ITPKB: variants seen among roughly 807,000 people sequenced by gnomAD.
The protein encoded by ITPKB is inositol-trisphosphate 3-kinase B.
A neutral mutation model predicts 69.4 loss-of-function variants in ITPKB; 13 were observed. That is an observed-to-expected ratio of 0.19 (90% CI 0.12 to 0.30). The LOEUF (loss-of-function observed/expected upper bound fraction) is 0.30, where lower values mean the gene tolerates loss of function less well. Among genes scored for constraint, ITPKB ranks in the 10% least tolerant of loss-of-function variants. ITPKB has a pLI of 1.00. For missense variants in ITPKB, 1,240 were observed against 1,250.5 expected (o/e 0.99, Z 0.13); for synonymous variants, 584 against 513.7 (o/e 1.14, Z -1.85).
intron 2 of ITPKB, among the ~76,000 whole-genome samples, chr1:226,672,372 T>C (rs571850002): frequency 2.0e-5 from 3 of 152,190 alleles, no homozygotes; most frequent in South Asian, 2.1e-4. Flanking sequence ...AGTTCAACAG[T>C]GTAGAGCAAT....
chr1:226,696,452 T>C (rs1013947149), intron 2 of ITPKB, among the ~76,000 whole-genome samples: 3 of 152,170 alleles, frequency 2.0e-5, no homozygotes, highest in Non-Finnish European at 4.4e-5. Context: ...TATTTTACTA[T>C]CTTGGACACC....
chr1:226,632,924 C>T lies in ITPKB; in HGVS notation c.*1747G>A. ...CCTTCTAGCCCAAAAGTCACTATAG[C>T]TCCAGAGGCCCAGAGTTGACTTTGG... On this transcript the variant is annotated 3_prime_UTR_variant, in exon 8 of 8. Coordinates refer to ENST00000429204, the MANE Select transcript of ITPKB (RefSeq NM_002221.4). 6.6e-6 allele frequency: 1 copy of T among 152,050 alleles called. No individual in the cohort carries two copies. The highest frequency in any genetic ancestry group is 1.9e-4 in the East Asian group (1 of 5,202). 9.4% of individuals were successfully genotyped at this position (152,050 alleles called of 1,614,324 possible). A position where few individuals can be genotyped will look rare whatever the true frequency, so the allele number is the denominator to read the frequency against.
intron 2 of ITPKB, among the ~76,000 whole-genome samples, chr1:226,709,053 AGCCCCAGACGTCTG>A (rs1367287422): frequency 1.3e-5 from 2 of 152,154 alleles, no homozygotes; most frequent in African/African-American, 4.8e-5. Context: ...TGGGCAGCAG[AGCCCCAGACGTCTG>A]GCCCCTCAAT....
In ITPKB at chr1:226,737,170, C is replaced by G. The variant is rs1489336217; in HGVS notation, c.289G>C (p.Val97Leu). The G allele has an allele frequency of 6.3e-7, 1 of 1,578,938 alleles. No individual in the cohort carries two copies. Among genetic ancestry groups the G allele is most frequent in the Non-Finnish European group, 8.5e-7 (1 of 1,170,896 alleles). The part of the protein sequence containing the change: ...GSGSGSSGSS[V>L]SSPSWAGRLR... ...CGACCAGCCCAACTTGGGCTGCTCACGCTACTGCCGCTGCTGCCGCTGCCA... is the reference window on the plus strand; with the variant it reads ...CGACCAGCCCAACTTGGGCTGCTCAGGCTACTGCCGCTGCTGCCGCTGCCA... The change falls in exon 2 of 8, where the codon GTG (valine) becomes CTG (leucine). Residue 97 changes from valine (V) to leucine (L), a missense_variant. This residue lies in a region of ITPKB where 992 missense variants were observed against 853.8 expected (regional missense o/e 1.16). Transcript: ENST00000429204.
chr1:226,644,249 T>C (rs1186565516), intron 4 of ITPKB, among the ~76,000 whole-genome samples: 1 of 152,160 alleles, frequency 6.6e-6, no homozygotes, highest in African/African-American at 2.4e-5. Flanking sequence ...TGGGGCGGGA[T>C]GCCCACAGGA....
chr1:226,730,920 T>C (rs1657571276), intron 2 of ITPKB, among the ~76,000 whole-genome samples: 1 of 152,200 alleles, frequency 6.6e-6, no homozygotes, highest in Non-Finnish European at 1.5e-5. Flanking sequence ...ACCTCAAATA[T>C]ATTTCTCTAA....
At chr1:226,639,994 G>T (rs1668923979) in intron 5 of ITPKB, among the ~76,000 whole-genome samples, 1 of 152,152 alleles carries the variant, frequency 6.6e-6, no homozygotes, top group Non-Finnish European at 1.5e-5. Context: ...CAACAGCAGG[G>T]CCAAGAGAGA....
intron 2 of ITPKB, among the ~76,000 whole-genome samples, chr1:226,704,728 G>A (rs60166938): frequency 0.027 from 4,179 of 152,266 alleles, 193 homozygotes; most frequent in African/African-American, 0.096. Context: ...AGTAATGGAC[G>A]TTCAACAATG....
intron 2 of ITPKB, among the ~76,000 whole-genome samples, chr1:226,660,766 G>A (rs1669388765): frequency 2.0e-5 from 3 of 152,236 alleles, no homozygotes; most frequent in African/African-American, 7.2e-5. Context: ...GGCCAAAGGG[G>A]CTGGGGAAGA....
intron 2 of ITPKB, among the ~76,000 whole-genome samples, chr1:226,722,299 T>C (rs537649576): frequency 6.6e-6 from 1 of 152,256 alleles, no homozygotes; most frequent in East Asian, 1.9e-4. Flanking sequence ...TCTCCTGCCT[T>C]CCCCTGGGAA....
chr1:226,669,176 G>C (rs1669562460), intron 2 of ITPKB: 1 of 152,202 alleles, frequency 6.6e-6, no homozygotes, highest in South Asian at 2.1e-4. Context: ...AACACTTTGG[G>C]AGGCCGAGGC....
At chr1:226,665,841 C>A (rs920222678) in intron 2 of ITPKB, among the ~76,000 whole-genome samples, 1 of 152,334 alleles carries the variant, frequency 6.6e-6, no homozygotes, top group African/African-American at 2.4e-5. Flanking sequence ...CACGGCCCAG[C>A]CCAGGTGAGG....
At chr1:226,691,529 A>G (rs965871260) in intron 2 of ITPKB, among the ~76,000 whole-genome samples, 5 of 152,188 alleles carry the variant, frequency 3.3e-5, no homozygotes, top group African/African-American at 9.6e-5. Context: ...AGGGCCCACA[A>G]TGAGCAGCCG....
At position 226,687,869 on chromosome 1, in the gene ITPKB, C is replaced by G. The variant is rs186402282; in HGVS notation, c.1933-39098G>C. The stretch of plus-strand genomic sequence containing the variant: ...AAAAAGATTAAAAAGATACTGCTTC[C>G]GAGTTTCCTCAAGGAGCTCACCAAC... On this transcript the variant is annotated intron_variant, in intron 2 of 7. Coordinates refer to ENST00000429204, the MANE Select transcript of ITPKB (RefSeq NM_002221.4). Among the ~76,000 whole-genome samples the G allele has an allele frequency of 4.7e-3, 718 of 152,282 alleles. 12 individuals carry two copies. The highest frequency in any genetic ancestry group is 0.041 in the Admixed American group (634 of 15,300).
At chr1:226,640,626 C>T (rs540825843) in intron 5 of ITPKB, among the ~76,000 whole-genome samples, 53 of 152,304 alleles carry the variant, frequency 3.5e-4, no homozygotes, top group African/African-American at 1.2e-3. Context: ...ACCAGGAGCA[C>T]ATCCTGCTCG....
intron 2 of ITPKB, among the ~76,000 whole-genome samples, chr1:226,701,598 C>A (rs994282706): frequency 3.6e-5 from 4 of 112,532 alleles, no homozygotes; most frequent in African/African-American, 7.2e-5. Flanking sequence ...AGTGAGACTC[C>A]GTCTCAAAAA....
rs759584915 is a variant in ITPKB, at chr1:226,647,322, C to T, written c.2091G>A (p.Gln697=). 2 of 1,614,206 alleles carry T rather than the reference C, an allele frequency of 1.2e-6. No homozygotes were observed. Among genetic ancestry groups the T allele is most frequent in the Admixed American group, 3.3e-5 (2 of 60,024 alleles). ...RILKKHCESE[Q]RCLDRLMVDV... ...CCACCATCAGCCGGTCCAGGCAGCG[C>T]TGCTCTGACTCACAGTGCTTCTTCA... The change falls in exon 4 of 8, where the codon CAG becomes CAA. Residue 697 remains glutamine, a synonymous_variant. Coordinates refer to ENST00000429204, the MANE Select transcript of ITPKB (RefSeq NM_002221.4).
intron 2 of ITPKB, among the ~76,000 whole-genome samples, chr1:226,663,000 A>G (rs1669430037): frequency 6.6e-6 from 1 of 152,194 alleles, no homozygotes; most frequent in African/African-American, 2.4e-5. Context: ...TTCAGCAGTC[A>G]TGCATCTGTT....
At chr1:226,693,707 C>T (rs574618393) in intron 2 of ITPKB, among the ~76,000 whole-genome samples, 1 of 152,354 alleles carries the variant, frequency 6.6e-6, no homozygotes, top group Admixed American at 6.5e-5. Flanking sequence ...AGTTTTAAAA[C>T]TGCTGTGGTC....
Sources: allele counts gnomAD v4.1 joint callset (sites outside exome capture counted in the v4.1 genomes callset), GRCh38; gene constraint gnomAD v4.1.1; regional missense constraint gnomAD v4.1.1; transcripts MANE v1.5; gene names NCBI Gene and HGNC (gene_info 2026-07-23, HGNC 2026-07-21).